The following PAK1 variants were observed in gnomAD, a reference collection of about 807,000 sequenced individuals.
The protein encoded by PAK1 is serine/threonine-protein kinase PAK 1.
Under a neutral mutation model 67.4 loss-of-function variants are expected in PAK1, and 29 were observed. The ratio of observed to expected loss-of-function variants is 0.43; its 90% CI spans 0.32 to 0.59. The LOEUF (loss-of-function observed/expected upper bound fraction) is 0.59. Among genes scored for constraint, PAK1 ranks in the 20% least tolerant of loss-of-function variants. PAK1 has a pLI of 0.07. For synonymous variants in PAK1, 223 were observed against 237.4 expected, an observed-to-expected ratio of 0.94 and a Z score of 0.56; for missense variants, 337 against 670.7, an observed-to-expected ratio of 0.50 and a Z score of 5.50.
At chr11:77,338,024 G>C in intron 11 of PAK1, among the ~76,000 whole-genome samples, 1 of 152,184 alleles carries the variant, frequency 6.6e-6, no homozygotes, top group Admixed American at 6.5e-5. Context: ...GGTTGAACCC[G>C]GCAAAGGGTA....
At chr11:77,510,380 G>T in the PAK1 span, among the ~76,000 whole-genome samples, 1 of 152,188 alleles carries the variant, frequency 6.6e-6, no homozygotes, top group African/African-American at 2.4e-5. Flanking sequence ...TAATGCATGT[G>T]CAATCATGCC....
At chr11:77,388,997 T>C (rs1408925337) in intron 2 of PAK1, among the ~76,000 whole-genome samples, 2 of 152,226 alleles carry the variant, frequency 1.3e-5, no homozygotes. Context: ...TTCAGAGAGC[T>C]GGACAGGTAT....
intron 1 of PAK1, among the ~76,000 whole-genome samples, chr11:77,472,010 G>A (rs1018101209): frequency 6.6e-6 from 1 of 152,188 alleles, no homozygotes; most frequent in Non-Finnish European, 1.5e-5. Flanking sequence ...GTCCCCCAGA[G>A]ATTAGGGCAG....
intron 1 of PAK1, among the ~76,000 whole-genome samples, chr11:77,466,551 C>T (rs1957605742): frequency 6.6e-6 from 1 of 151,404 alleles, no homozygotes. Context: ...TGCGGTGAGC[C>T]GACATCGCAT....
At chr11:77,405,828 T>G (rs1953468799) in intron 1 of PAK1, among the ~76,000 whole-genome samples, 1 of 152,156 alleles carries the variant, frequency 6.6e-6, no homozygotes, top group Admixed American at 6.6e-5. Flanking sequence ...TCCCCTTCTG[T>G]CTGCCAACTA....
chr11:77,332,156 A>G, intron 14 of PAK1, among the ~76,000 whole-genome samples: 1 of 149,950 alleles, frequency 6.7e-6, no homozygotes, highest in East Asian at 2.0e-4. Context: ...AGTTTTTAAA[A>G]AACTAGCCAG....
chr11:77,477,086 C>G (rs1043025042), upstream of PAK1: 4 of 152,212 alleles, frequency 2.6e-5, no homozygotes, highest in Non-Finnish European at 5.9e-5. Flanking sequence ...AATCTCTAAT[C>G]AAAGGTGACT....
chr11:77,361,484 C>G (rs139731973), intron 5 of PAK1, among the ~76,000 whole-genome samples: 2 of 151,982 alleles, frequency 1.3e-5, no homozygotes, highest in Non-Finnish European at 2.9e-5. Context: ...GTCAGAGAGG[C>G]GGTAATAAAA....
intron 1 of PAK1, among the ~76,000 whole-genome samples, chr11:77,460,516 G>A (rs1171020919): frequency 2.0e-5 from 3 of 151,568 alleles, no homozygotes; most frequent in East Asian, 3.9e-4. Flanking sequence ...GCAGAGATAG[G>A]GTTTATCTAG....
At chr11:77,496,268 C>T in the PAK1 span, among the ~76,000 whole-genome samples, 12 of 152,118 alleles carry the variant, frequency 7.9e-5, no homozygotes, top group African/African-American at 2.9e-4. Flanking sequence ...CCACCCGCCT[C>T]AGCCTCCCAA....
chr11:77,520,421 G>A, the PAK1 span, among the ~76,000 whole-genome samples: 4 of 152,206 alleles, frequency 2.6e-5, no homozygotes, highest in South Asian at 4.1e-4. Flanking sequence ...TAGAAAACAC[G>A]TATCAAAACG....
At chr11:77,438,496 T>C (rs1358440666) in intron 1 of PAK1, among the ~76,000 whole-genome samples, 2 of 152,196 alleles carry the variant, frequency 1.3e-5, no homozygotes, top group Non-Finnish European at 2.9e-5. Context: ...TAAATGTTTG[T>C]GGATGGAGCC....
chr11:77,426,428 A>G (rs1340428381), intron 1 of PAK1, among the ~76,000 whole-genome samples: 1 of 152,202 alleles, frequency 6.6e-6, no homozygotes, highest in Non-Finnish European at 1.5e-5. Flanking sequence ...ATTTAACCTA[A>G]TAACAGCCCT....
chr11:77,393,344 G>C (rs1046234191), intron 1 of PAK1, among the ~76,000 whole-genome samples: 8 of 151,710 alleles, frequency 5.3e-5, no homozygotes, highest in African/African-American at 1.9e-4. Context: ...CCCCAGGCTG[G>C]AGTGCAGTGG....
the PAK1 span, among the ~76,000 whole-genome samples, chr11:77,488,876 G>T: frequency 2.0e-5 from 3 of 152,132 alleles, no homozygotes; most frequent in Non-Finnish European, 4.4e-5. Flanking sequence ...TGGGTAAAAA[G>T]TTCATTCAAA....
chr11:77,509,024 A>G, the PAK1 span, among the ~76,000 whole-genome samples: 22 of 145,526 alleles, frequency 1.5e-4, no homozygotes, highest in Non-Finnish European at 2.4e-4. Context: ...TAATCCCAAC[A>G]CTTTGGGAGG....
intron 14 of PAK1, among the ~76,000 whole-genome samples, chr11:77,328,872 T>C (rs1940712457): frequency 6.6e-6 from 1 of 151,922 alleles, no homozygotes; most frequent in Admixed American, 6.6e-5. Context: ...ATCAACAAAA[T>C]TGATAGACCG....
the PAK1 span, among the ~76,000 whole-genome samples, chr11:77,529,656 C>T: frequency 1.3e-5 from 2 of 152,146 alleles, no homozygotes; most frequent in Admixed American, 1.3e-4. Flanking sequence ...TCTTGGAATG[C>T]AGGAAAGAGA....
the PAK1 span, among the ~76,000 whole-genome samples, chr11:77,529,781 A>G: frequency 1.3e-5 from 2 of 152,234 alleles, no homozygotes; most frequent in African/African-American, 4.8e-5. Context: ...AAAAACCCAT[A>G]CAAAGGCAAG....
Sources: gnomAD v4.1 joint callset for allele counts (sites outside exome capture counted in the v4.1 genomes callset) on GRCh38, gnomAD v4.1.1 for gene constraint, MANE v1.5 for transcripts, NCBI Gene and HGNC (gene_info 2026-07-23, HGNC 2026-07-21) for gene names.